ETS1: variants seen among roughly 807,000 people sequenced by gnomAD.
ETS1 encodes the protein protein C-ets-1.
A neutral mutation model predicts 58.6 loss-of-function variants in ETS1; 15 were observed. The observed-to-expected ratio is 0.26, with a 90% confidence interval of 0.17 to 0.39. The LOEUF (loss-of-function observed/expected upper bound fraction) is 0.39, where lower values mean the gene tolerates loss of function less well. Ranked by LOEUF, ETS1 falls within the 10% of genes least tolerant of loss-of-function variation. The probability of loss-of-function intolerance (pLI) is 1.00; values close to 1 mark genes in which losing one functional copy is unlikely to be tolerated. For synonymous variants in ETS1, 214 were observed against 218.2 expected (o/e 0.98, Z 0.17); for missense variants, 417 against 610.5 (o/e 0.68, Z 3.34).
rs1007008855 is a variant in ETS1 at position 128,460,423 on chromosome 11, A to G, written c.*1938T>C. On this transcript the variant is annotated 3_prime_UTR_variant, in exon 10 of 10. Coordinates refer to ENST00000392668, the MANE Select transcript of ETS1 (RefSeq NM_001143820.2). ...CAAGAGGATCTGGGAGTAAATAACA[A>G]TCAATTTTCTTAAAGATATGCTAGA... 2.6e-5 allele frequency: 4 copies of G among 152,718 alleles called. No homozygotes were observed. Among genetic ancestry groups the G allele is most frequent in the Admixed American group, 2.6e-4 (4 of 15,280 alleles). 9.5% of individuals were successfully genotyped at this position (152,718 alleles called of 1,614,324 possible). A position where few individuals can be genotyped will look rare whatever the true frequency, so the allele number is the denominator to read the frequency against.
At position 128,464,355 on chromosome 11, in the gene ETS1, G is replaced by GACAC. The variant is rs58228263; in HGVS notation, c.1124-732_1124-729dup. Among the ~76,000 whole-genome samples the GACAC allele has an allele frequency of 0.039, 5,651 of 144,906 alleles. 181 individuals carry two copies. Among genetic ancestry groups the GACAC allele is most frequent in the African/African-American group, 0.094 (3,685 of 39,296 alleles). On this transcript the variant is annotated intron_variant, in intron 8 of 9. Coordinates refer to ENST00000392668, the MANE Select transcript of ETS1 (RefSeq NM_001143820.2). This position sits in a 1 kb window ranked among gnomAD's most constrained non-coding sequence, Gnocchi z 4.1. ...CATAGGTTCAGTATATTCTAAATTA[G>GACAC]ACACACACACACACACACACACACA...
At chr11:128,562,511 T>C (rs1864419954) in intron 2 of ETS1, among the ~76,000 whole-genome samples, 1 of 152,182 alleles carries the variant, frequency 6.6e-6, no homozygotes. Context: ...CTGCTCGTCA[T>C]ATGCAGTGGT....
chr11:128,506,909 G>A (rs1251417849), intron 3 of ETS1, among the ~76,000 whole-genome samples: 1 of 152,158 alleles, frequency 6.6e-6, no homozygotes, highest in African/African-American at 2.4e-5. Context: ...AAAGGCTGCC[G>A]AGTGCTCTTT....
intron 1 of ETS1, among the ~76,000 whole-genome samples, chr11:128,585,308 GGAGGGAAGAAGGAAGGAAGGAAGC>G (rs1212427624): frequency 3.9e-5 from 5 of 129,358 alleles, no homozygotes; most frequent in African/African-American, 1.2e-4. Flanking sequence ...GGGAGGGAAG[GGAGGGAAGAAGGAAGGAAGGAAGC>G]AAGGAAGGAA....
intron 2 of ETS1, among the ~76,000 whole-genome samples, chr11:128,568,266 G>A (rs1241893975): frequency 1.3e-5 from 2 of 152,092 alleles, no homozygotes; most frequent in Non-Finnish European, 2.9e-5. Flanking sequence ...GACATCCCAG[G>A]CTGGGCCATG....
chr11:128,547,499 TA>T (rs1165791850), intron 3 of ETS1, among the ~76,000 whole-genome samples: 1 of 152,212 alleles, frequency 6.6e-6, no homozygotes, highest in Non-Finnish European at 1.5e-5. Flanking sequence ...AGATAGCCAG[TA>T]AAAATGGCAA....
intron 2 of ETS1, 111 bp from the exon 3 acceptor site, chr11:128,556,546 T>G (rs569906785): frequency 1.2e-4 from 83 of 706,866 alleles, no homozygotes; most frequent in Non-Finnish European, 1.4e-4. Context: ...GAATCATCTA[T>G]AGATGATGAC....
At chr11:128,543,150 G>A (rs1864080598) in intron 3 of ETS1, among the ~76,000 whole-genome samples, 1 of 149,630 alleles carries the variant, frequency 6.7e-6, no homozygotes, top group African/African-American at 2.5e-5. Flanking sequence ...CCCAGATCGT[G>A]CCATTGCACT....
At chr11:128,466,477 G>A (rs76622459) in intron 8 of ETS1, among the ~76,000 whole-genome samples, 15 of 152,322 alleles carry the variant, frequency 9.8e-5, no homozygotes, top group African/African-American at 3.6e-4. Flanking sequence ...TTCAATTCCC[G>A]TGGTTTGCAC....
chr11:128,504,326 G>T (rs546032637), intron 3 of ETS1, among the ~76,000 whole-genome samples: 129 of 152,270 alleles, frequency 8.5e-4, no homozygotes, highest in African/African-American at 3.0e-3. Flanking sequence ...ACATTTCCCT[G>T]CCTCTGTCCC....
At chr11:128,563,848 C>T (rs907797787) in intron 2 of ETS1, among the ~76,000 whole-genome samples, 1 of 152,210 alleles carries the variant, frequency 6.6e-6, no homozygotes, top group Non-Finnish European at 1.5e-5. Flanking sequence ...TATAGGGGCT[C>T]TCACCTGGCA....
intron 8 of ETS1, among the ~76,000 whole-genome samples, chr11:128,470,862 CT>C (rs1174959371): frequency 2.0e-5 from 3 of 152,124 alleles, no homozygotes; most frequent in African/African-American, 7.2e-5. Flanking sequence ...GCATTTAGGA[CT>C]TTTTTAAGTT....
chr11:128,566,451 G>C (rs551704980), intron 2 of ETS1, among the ~76,000 whole-genome samples: 1 of 152,302 alleles, frequency 6.6e-6, no homozygotes, highest in Admixed American at 6.5e-5. Context: ...CTGAGGTTCA[G>C]AGGAGGTAAG....
rs142360137 is a variant in ETS1, at chr11:128,476,071, G to A, written c.1123+4120C>T. On this transcript the variant is annotated intron_variant, in intron 8 of 9. Transcript: ENST00000392668. The stretch of plus-strand genomic sequence containing the variant: ...GGGTTTAGCCTTTTTCAGGCTCCTA[G>A]AAAACAAGAAAATCACTTCATTCAT... Among the ~76,000 whole-genome samples, 3 of 152,140 alleles carry A rather than the reference G, an allele frequency of 2.0e-5. No homozygotes were observed. In the South Asian group the frequency reaches 6.2e-4, roughly 32 times the overall value.
At chr11:128,577,846 GA>G (rs1178332937) in intron 1 of ETS1, among the ~76,000 whole-genome samples, 1 of 147,932 alleles carries the variant, frequency 6.8e-6, no homozygotes, top group African/African-American at 2.5e-5. Flanking sequence ...GCAATGCTAA[GA>G]AAAAAATTGG....
intron 3 of ETS1, among the ~76,000 whole-genome samples, chr11:128,545,053 T>C (rs1864113376): frequency 6.6e-6 from 1 of 151,220 alleles, no homozygotes; most frequent in African/African-American, 2.4e-5. Context: ...ACAAAGGGAG[T>C]ATGATGCTTA....
chr11:128,483,742 C>A (rs1342089206), intron 7 of ETS1, among the ~76,000 whole-genome samples: 1 of 152,154 alleles, frequency 6.6e-6, no homozygotes, highest in Non-Finnish European at 1.5e-5. Context: ...ACCCATGATT[C>A]TTCAAAGTAA....
intron 3 of ETS1, among the ~76,000 whole-genome samples, chr11:128,543,322 T>C (rs1298056251): frequency 6.6e-6 from 1 of 152,112 alleles, no homozygotes; most frequent in Non-Finnish European, 1.5e-5. Context: ...GAAAAGATTA[T>C]GCATTTCAAA....
chr11:128,536,951 A>G (rs1863981271), intron 3 of ETS1, among the ~76,000 whole-genome samples: 1 of 152,198 alleles, frequency 6.6e-6, no homozygotes, highest in South Asian at 2.1e-4. Context: ...TACCTTATTT[A>G]GCATGAAAGA....
Sources: allele counts gnomAD v4.1 joint callset (sites outside exome capture counted in the v4.1 genomes callset), GRCh38; gene constraint gnomAD v4.1.1; non-coding constraint Gnocchi (gnomAD v3.1); transcripts MANE v1.5; gene names NCBI Gene and HGNC (gene_info 2026-07-23, HGNC 2026-07-21).